Variants in TP63 observed in about 807,000 individuals in gnomAD.
TP63 encodes the protein tumor protein 63.
A neutral mutation model predicts 82.8 loss-of-function variants in TP63; 17 were observed. That is an observed-to-expected ratio of 0.21 (90% CI 0.14 to 0.31). The LOEUF (loss-of-function observed/expected upper bound fraction) is 0.31. Among genes scored for constraint, TP63 ranks in the 10% least tolerant of loss-of-function variants. TP63 has a pLI of 1.00. For missense variants in TP63, 648 were observed against 895.3 expected (o/e 0.72, Z 3.52); for synonymous variants, 330 against 321.7 (o/e 1.03, Z -0.28).
At chr3:189,659,944 A>G (rs1243589608) in intron 1 of TP63, among the ~76,000 whole-genome samples, 1 of 151,874 alleles carries the variant, frequency 6.6e-6, no homozygotes, top group Non-Finnish European at 1.5e-5. Flanking sequence ...TTTAGATTCT[A>G]GATACTAGAC....
intron 3 of TP63, among the ~76,000 whole-genome samples, chr3:189,751,991 GCCTAAGA>G (rs951657401): frequency 6.6e-6 from 1 of 151,906 alleles, no homozygotes; most frequent in Non-Finnish European, 1.5e-5. Context: ...AACCATTTGG[GCCTAAGA>G]TTTTTTTCTG....
chr3:189,732,048 T>G (rs1208502739), intron 1 of TP63, among the ~76,000 whole-genome samples: 2 of 152,378 alleles, frequency 1.3e-5, no homozygotes, highest in East Asian at 3.9e-4. Flanking sequence ...CTTTTTATTT[T>G]TAAGAAACAG....
chr3:189,640,539 A>T (rs989643466), intron 1 of TP63, among the ~76,000 whole-genome samples: 2 of 152,162 alleles, frequency 1.3e-5, no homozygotes, highest in African/African-American at 4.8e-5. Context: ...TTACAGTCAG[A>T]TGTTCAATCA....
intron 1 of TP63, among the ~76,000 whole-genome samples, chr3:189,717,739 C>T (rs1316726678): frequency 6.6e-6 from 1 of 152,214 alleles, no homozygotes; most frequent in Non-Finnish European, 1.5e-5. Flanking sequence ...TTCTGTGCTG[C>T]ATAAGCCCTT....
the TP63 span, among the ~76,000 whole-genome samples, chr3:189,619,952 C>G: frequency 6.6e-6 from 1 of 152,098 alleles, no homozygotes; most frequent in African/African-American, 2.4e-5. Flanking sequence ...GGACCACTTG[C>G]GTCACTTTGT....
Position 189,652,545 on chromosome 3 carries a change from A to G in TP63, c.62+20968A>G, listed in dbSNP as rs1712983882. ...GTCTCAGATGAGACTTTGGGCTTGG[A>G]CTTTTGGGTTAATGCTAGAATGAGT... On this transcript the variant is annotated intron_variant, in intron 1 of 13. Coordinates refer to ENST00000264731, the MANE Select transcript of TP63 (RefSeq NM_003722.5). 1.4e-5 allele frequency among the ~76,000 whole-genome samples: 2 copies of G among 146,730 alleles called. 1 individual carries two copies.
At chr3:189,893,940 A>G (rs1433318861) in intron 13 of TP63, among the ~76,000 whole-genome samples, 1 of 152,036 alleles carries the variant, frequency 6.6e-6, no homozygotes, top group East Asian at 1.9e-4. Flanking sequence ...TCTAGCTATT[A>G]TCCCAATTTT....
At position 189,721,171 on chromosome 3, in the gene TP63, A is replaced by G. The variant is rs906488110; in HGVS notation, c.63-16569A>G. Reference sequence around the variant, plus strand: ...TTTGCAGCAGTAGTTATTGGTTTACAGTGGACCGTCTTTACCAGAAGTCGT... The same window carrying G: ...TTTGCAGCAGTAGTTATTGGTTTACGGTGGACCGTCTTTACCAGAAGTCGT... On this transcript the variant is annotated intron_variant, in intron 1 of 13. Transcript: ENST00000264731. Among the ~76,000 whole-genome samples, 6 of 152,338 alleles carry G rather than the reference A, an allele frequency of 3.9e-5. No homozygotes were observed. The East Asian group carries it at 1.2e-3, about 29-fold the overall frequency.
At chr3:189,717,015 C>A (rs1361951331) in intron 1 of TP63, among the ~76,000 whole-genome samples, 1 of 152,190 alleles carries the variant, frequency 6.6e-6, no homozygotes, top group Non-Finnish European at 1.5e-5. Flanking sequence ...CCAGGCTGGT[C>A]TAGAACTCCC....
At chr3:189,773,669 T>C (rs568969710) in intron 3 of TP63, among the ~76,000 whole-genome samples, 2 of 152,256 alleles carry the variant, frequency 1.3e-5, no homozygotes, top group Admixed American at 1.3e-4. Context: ...AATCACCAAA[T>C]ATAAATACCC....
chr3:189,703,263 A>G (rs796364293), intron 1 of TP63, among the ~76,000 whole-genome samples: 8 of 152,266 alleles, frequency 5.3e-5, no homozygotes, highest in African/African-American at 1.9e-4. Context: ...GTGAAACCCC[A>G]TCTCTACTAT....
At chr3:189,888,644 T>G (rs1439568151) in intron 11 of TP63, among the ~76,000 whole-genome samples, 1 of 152,250 alleles carries the variant, frequency 6.6e-6, no homozygotes, top group East Asian at 1.9e-4. Flanking sequence ...AAAATTCATT[T>G]TATAAATATT....
intron 3 of TP63, among the ~76,000 whole-genome samples, chr3:189,759,824 A>G (rs1320575823): frequency 6.6e-6 from 1 of 152,190 alleles, no homozygotes; most frequent in Non-Finnish European, 1.5e-5. Flanking sequence ...AGACATACCC[A>G]AGACTGGGCA....
At chr3:189,884,431 G>T (rs1057047598) in intron 10 of TP63, among the ~76,000 whole-genome samples, 2 of 152,088 alleles carry the variant, frequency 1.3e-5, no homozygotes, top group Admixed American at 1.3e-4. Context: ...ACCTAGTTCT[G>T]CCCTCAGTGC....
chr3:189,772,265 C>T (rs996030257), intron 3 of TP63, among the ~76,000 whole-genome samples: 2 of 152,160 alleles, frequency 1.3e-5, no homozygotes, highest in South Asian at 2.1e-4. Context: ...TTAGAGATCA[C>T]GTACTAGCTA....
At chr3:189,684,025 G>A (rs1340142343) in intron 1 of TP63, among the ~76,000 whole-genome samples, 1 of 152,132 alleles carries the variant, frequency 6.6e-6, no homozygotes, top group Admixed American at 6.5e-5. Flanking sequence ...AAAGCAGTTG[G>A]TAAAATATCA....
At chr3:189,813,892 G>A (rs1727867555) in intron 4 of TP63, among the ~76,000 whole-genome samples, 1 of 152,148 alleles carries the variant, frequency 6.6e-6, no homozygotes, top group African/African-American at 2.4e-5. Flanking sequence ...GTTCCCTGTA[G>A]CCTTCACCCA....
intron 3 of TP63, chr3:189,789,738 G>A (rs1394186376): frequency 6.5e-7 from 1 of 1,540,232 alleles, no homozygotes; most frequent in Non-Finnish European, 8.7e-7. Context: ...TCGGGGTGGG[G>A]GGGTTGGCAA....
At chr3:189,720,138 CTG>C (rs1577299495) in intron 1 of TP63, among the ~76,000 whole-genome samples, 1 of 152,080 alleles carries the variant, frequency 6.6e-6, no homozygotes, top group East Asian at 1.9e-4. Context: ...CACGCCACCT[CTG>C]TCTCAGAGCT....
Sources: gnomAD v4.1 joint callset for allele counts (sites outside exome capture counted in the v4.1 genomes callset) on GRCh38, gnomAD v4.1.1 for gene constraint, MANE v1.5 for transcripts, NCBI Gene and HGNC (gene_info 2026-07-23, HGNC 2026-07-21) for gene names.